PLXDC1: variants seen among roughly 807,000 people sequenced by gnomAD.
PLXDC1 encodes plexin domain containing 1.
In PLXDC1, 39 loss-of-function variants were observed where a neutral mutation model predicts 61.3. That is an observed-to-expected ratio of 0.64 (90% CI 0.49 to 0.83). PLXDC1 has a LOEUF of 0.83. PLXDC1 is among the 40% of genes least tolerant of loss of function. PLXDC1 has a pLI of 0.00. For synonymous variants in PLXDC1, 212 were observed against 254.5 expected, an observed-to-expected ratio of 0.83 and a Z score of 1.59; for missense variants, 596 against 666.5, an observed-to-expected ratio of 0.89 and a Z score of 1.17.
intron 2 of PLXDC1, among the ~76,000 whole-genome samples, chr17:39,118,314 C>T (rs1192606520): frequency 6.6e-6 from 1 of 152,042 alleles, no homozygotes; most frequent in Non-Finnish European, 1.5e-5. Context: ...AGCGATTCTC[C>T]TGCCTCACCC....
intron 7 of PLXDC1, among the ~76,000 whole-genome samples, chr17:39,091,911 A>G (rs1909965135): frequency 6.8e-6 from 1 of 147,442 alleles, no homozygotes; most frequent in South Asian, 2.2e-4. Context: ...GTGAGCTGAG[A>G]CTGCACCACT....
In PLXDC1 at chr17:39,107,452, C is replaced by A; in HGVS notation, c.666G>T (p.Gln222His). ...GWEDKGSFTF[Q>H]AALHHDGRIV... ...TGCGGCCGTCATGGTGCAGAGCTGC[C>A]TGGAAGGTGAAACTGCCCTTGTCTT... Residue 222 changes from glutamine to histidine, a missense_variant, in exon 6 of 14, where the codon CAG becomes CAT. Gln to His is a conservative substitution (Grantham distance 24, BLOSUM62 0). Coordinates refer to ENST00000315392, the MANE Select transcript of PLXDC1 (RefSeq NM_020405.5). The A allele has an allele frequency of 6.2e-7, 1 of 1,614,078 alleles. No homozygotes were observed. Among genetic ancestry groups the A allele is most frequent in the Non-Finnish European group, 8.5e-7 (1 of 1,179,966 alleles).
At chr17:39,134,694 A>T (rs1025155445) in intron 2 of PLXDC1, among the ~76,000 whole-genome samples, 6 of 151,868 alleles carry the variant, frequency 4.0e-5, no homozygotes, top group Non-Finnish European at 2.9e-5. Context: ...CACATCTAGA[A>T]CCTTCTCTGT....
rs368442671 is a variant in PLXDC1, at chr17:39,135,007, C to T, written c.255+4647G>A. On this transcript the variant is annotated intron_variant, in intron 2 of 13. Coordinates refer to ENST00000315392, the MANE Select transcript of PLXDC1 (RefSeq NM_020405.5). ...AGTGGGGATCCCCAAATCTTTTCCT[C>T]GTGAGCTGCTGCTAAACCACATCTC... Among the ~76,000 whole-genome samples, 9 of 152,192 alleles carry T rather than the reference C, an allele frequency of 5.9e-5. No individual in the cohort carries two copies. In the South Asian group the frequency reaches 1.9e-3, roughly 32 times the overall value.
intron 4 of PLXDC1, 110 bp downstream of exon 4, chr17:39,108,794 C>G: frequency 2.7e-6 from 2 of 727,314 alleles, no homozygotes; most frequent in Non-Finnish European, 4.9e-6. Context: ...CCAAATGTGC[C>G]TTCCTCCCAT....
rs1598180388 is a variant in PLXDC1, at chr17:39,067,949, T to G, written c.1394A>C (p.His465Pro). 1.9e-6 allele frequency: 3 copies of G among 1,613,752 alleles called. No homozygotes were observed. Among genetic ancestry groups the G allele is most frequent in the East Asian group, 2.2e-5 (1 of 44,862 alleles). The change falls in exon 14 of 14, where the codon CAC becomes CCC. Residue 465 changes from histidine (H) to proline (P), a missense_variant. Transcript: ENST00000315392. ...AALFFIERRP[H>P]HWPAMKFRSH... ...GCGAAACTTCATGGCTGGCCAGTGG[T>G]GAGGTCTACGCTGCAGAAGGCACAG...
chr17:39,136,958 G>A (rs561708822), intron 2 of PLXDC1, among the ~76,000 whole-genome samples: 401 of 152,326 alleles, frequency 2.6e-3, no homozygotes, highest in African/African-American at 9.3e-3. Flanking sequence ...ATCTAACCAT[G>A]AGGAATTGTA....
At chr17:39,145,164 G>A (rs769373582) in intron 1 of PLXDC1, among the ~76,000 whole-genome samples, 18 of 152,152 alleles carry the variant, frequency 1.2e-4, no homozygotes, top group Non-Finnish European at 2.2e-4. Context: ...GGGCAGCCCC[G>A]GGGTGGGGCT....
At chr17:39,075,541 A>G (rs1039112495) in intron 11 of PLXDC1, among the ~76,000 whole-genome samples, 4 of 152,242 alleles carry the variant, frequency 2.6e-5, no homozygotes, top group Admixed American at 2.0e-4. Context: ...TGGGAAAGTC[A>G]TCTGCCTCTC....
At chr17:39,104,992 A>G (rs1425102773) in intron 7 of PLXDC1, among the ~76,000 whole-genome samples, 1 of 152,178 alleles carries the variant, frequency 6.6e-6, no homozygotes, top group Non-Finnish European at 1.5e-5. Context: ...GCCCTTCTAC[A>G]GGAAGGTGAC....
chr17:39,136,143 C>T (rs2054572339), intron 2 of PLXDC1, among the ~76,000 whole-genome samples: 1 of 152,156 alleles, frequency 6.6e-6, no homozygotes, highest in South Asian at 2.1e-4. Flanking sequence ...TGTCCTTCCA[C>T]TCCACCATCT....
At position 39,107,544 on chromosome 17, in the gene PLXDC1, AC is replaced by A. The variant is rs777330389; in HGVS notation, c.593-20del. On this transcript the variant is annotated intron_variant, in intron 5 of 13. Transcript: ENST00000315392. ...ACTGTCCCTGGGGAGAAGAACAGAGACCCGGCTGGACGGGAGATCATGCAAG... is the reference window on the plus strand; with the variant it reads ...ACTGTCCCTGGGGAGAAGAACAGAGACCGGCTGGACGGGAGATCATGCAAG... 6.5e-7 allele frequency: 1 copy of A among 1,546,930 alleles called. No homozygotes were observed.
intron 4 of PLXDC1, 183 bp from the exon 5 acceptor site, chr17:39,108,428 T>C (rs1385025568): frequency 3.2e-6 from 2 of 616,146 alleles, no homozygotes; most frequent in Non-Finnish European, 5.7e-6. Flanking sequence ...GGACCCCAGA[T>C]AGGAGAAGGT....
At position 39,063,604 on chromosome 17, in the gene PLXDC1, C is replaced by T; in HGVS notation, c.*4236G>A. 1.5e-6 allele frequency: 1 copy of T among 650,568 alleles called. No homozygotes were observed. The highest frequency in any genetic ancestry group is 2.8e-6 in the Non-Finnish European group (1 of 362,732). 40.3% of individuals were successfully genotyped at this position (650,568 alleles called of 1,614,324 possible). ...AATCCTTTGCACTTTCTTTTGCACA[C>T]AGCAGGAGTTGTAAAAGAATGCTTC... On this transcript the variant is annotated 3_prime_UTR_variant, in exon 14 of 14. Transcript: ENST00000315392.
chr17:39,078,053 A>G lies in PLXDC1; in HGVS notation c.1051-5T>C. On this transcript the variant is annotated splice_region_variant and splice_polypyrimidine_tract_variant and intron_variant, in intron 10 of 13. Transcript: ENST00000315392. ...CTCGCACATCCTGCCCTCTGCCTGCAGGAGAGAGCCAGTGCTGTGTCTTGA... is the reference window on the plus strand; with the variant it reads ...CTCGCACATCCTGCCCTCTGCCTGCGGGAGAGAGCCAGTGCTGTGTCTTGA... 1 of 1,600,508 alleles carries G rather than the reference A, an allele frequency of 6.2e-7. No homozygotes were observed. The highest frequency in any genetic ancestry group is 8.5e-7 in the Non-Finnish European group (1 of 1,173,284).
intron 8 of PLXDC1, 98 bp downstream of exon 8, chr17:39,087,509 G>A (rs896736977): frequency 1.1e-6 from 1 of 909,434 alleles, no homozygotes; most frequent in Non-Finnish European, 1.8e-6. Context: ...AAAGTTAGGT[G>A]GCTGCACAAA....
chr17:39,120,134 C>A (rs1911112437), intron 2 of PLXDC1, among the ~76,000 whole-genome samples: 1 of 152,318 alleles, frequency 6.6e-6, no homozygotes, highest in East Asian at 1.9e-4. Flanking sequence ...CCCCTGCAGG[C>A]CACTCTGACC....
In PLXDC1 at chr17:39,064,310, CTG is replaced by C. The variant is rs1247244311; in HGVS notation, c.*3528_*3529del. On this transcript the variant is annotated 3_prime_UTR_variant, in exon 14 of 14. Coordinates refer to ENST00000315392, the MANE Select transcript of PLXDC1 (RefSeq NM_020405.5). Reference sequence around the variant, plus strand: ...TACCTGGGACTACAGGCGTGAGCCACTGCACCTGGCCATGTAGTGAAGGACTT... The same window carrying C: ...TACCTGGGACTACAGGCGTGAGCCACCACCTGGCCATGTAGTGAAGGACTT... 6.6e-6 allele frequency: 1 copy of C among 152,272 alleles called. No homozygotes were observed. The highest frequency in any genetic ancestry group is 1.5e-5 in the Non-Finnish European group (1 of 68,096). 9.4% of individuals were successfully genotyped at this position (152,272 alleles called of 1,614,324 possible).
At position 39,133,151 on chromosome 17, in the gene PLXDC1, C is replaced by T. The variant is rs189684610; in HGVS notation, c.255+6503G>A. Among the ~76,000 whole-genome samples the T allele has an allele frequency of 3.3e-5, 5 of 152,278 alleles. No individual in the cohort carries two copies. In the East Asian group the frequency reaches 7.7e-4, roughly 23 times the overall value. The stretch of plus-strand genomic sequence containing the variant: ...TGACTCTGGACACCTGTGCCGGACT[C>T]CCAGCCAGGGCCACCCATTCTCCAG... On this transcript the variant is annotated intron_variant, in intron 2 of 13. Coordinates refer to ENST00000315392, the MANE Select transcript of PLXDC1 (RefSeq NM_020405.5).
Sources: gnomAD v4.1 joint callset for allele counts (sites outside exome capture counted in the v4.1 genomes callset) on GRCh38, gnomAD v4.1.1 for gene constraint, MANE v1.5 for transcripts, NCBI Gene and HGNC (gene_info 2026-07-23, HGNC 2026-07-21) for gene names.